Variants in CEMIP2 observed in about 807,000 individuals in gnomAD.
CEMIP2 encodes cell migration inducing hyaluronidase 2, also known as cell surface hyaluronidase CEMIP2.
A neutral mutation model predicts 146.9 loss-of-function variants in CEMIP2; 79 were observed. That is an observed-to-expected ratio of 0.54 (90% confidence interval 0.45 to 0.65). The LOEUF (loss-of-function observed/expected upper bound fraction) is 0.65, where lower values mean the gene tolerates loss of function less well. Ranked by LOEUF, CEMIP2 falls within the 30% of genes least tolerant of loss-of-function variation. The pLI, the probability that CEMIP2 is intolerant of heterozygous loss-of-function variation, is 0.00. For synonymous variants in CEMIP2, 601 were observed against 606.3 expected (o/e 0.99, Z 0.13); for missense variants, 1,596 against 1,696.2 (o/e 0.94, Z 1.04).
chr9:71,767,235 G>A (rs1236614918), intron 1 of CEMIP2, among the ~76,000 whole-genome samples: 1 of 152,154 alleles, frequency 6.6e-6, no homozygotes, highest in Non-Finnish European at 1.5e-5. Context: ...AGATTTGCCT[G>A]GCTGCTCTGG....
intron 21 of CEMIP2, among the ~76,000 whole-genome samples, chr9:71,690,594 A>G (rs925551053): frequency 6.6e-6 from 1 of 152,232 alleles, no homozygotes; most frequent in Non-Finnish European, 1.5e-5. Context: ...TTATAAGTCA[A>G]TGATAGATGG....
At chr9:71,712,555 TG>T (rs530919166) in intron 15 of CEMIP2, 4 of 230,282 alleles carry the variant, frequency 1.7e-5, no homozygotes, top group African/African-American at 9.0e-5. Context: ...GAGGCCTCTC[TG>T]AAGAGGTGAC....
chr9:71,765,561 T>C (rs867314946), intron 1 of CEMIP2, among the ~76,000 whole-genome samples: 2 of 152,238 alleles, frequency 1.3e-5, no homozygotes, highest in Admixed American at 6.5e-5. Context: ...ATAGTACTTC[T>C]GACACTAGTT....
rs72737977 is a variant in CEMIP2, at chr9:71,731,786, C to A, written c.1563+565G>T. Among the ~76,000 whole-genome samples the A allele has an allele frequency of 4.6e-3, 690 of 151,568 alleles. 43 individuals carry two copies. In the South Asian group the frequency reaches 0.12, roughly 27 times the overall value. The stretch of plus-strand genomic sequence containing the variant: ...AAATACTACTTACAACCACAGCCTA[C>A]TCAATGCACAAAAAGTGATTTAAAA... On this transcript the variant is annotated intron_variant, in intron 7 of 23. Transcript: ENST00000377044.
intron 21 of CEMIP2, among the ~76,000 whole-genome samples, chr9:71,691,166 G>C (rs200895309): frequency 6.6e-6 from 1 of 152,138 alleles, no homozygotes; most frequent in Non-Finnish European, 1.5e-5. Flanking sequence ...GGTGGCTTAC[G>C]CCTGTAATCC....
intron 10 of CEMIP2, among the ~76,000 whole-genome samples, chr9:71,727,871 G>T (rs989951881): frequency 2.0e-5 from 3 of 152,216 alleles, no homozygotes; most frequent in Admixed American, 6.5e-5. Context: ...GACCAGCCTG[G>T]CCAATATGGT....
At chr9:71,741,254 T>A (rs1420309243) in intron 4 of CEMIP2, among the ~76,000 whole-genome samples, 1 of 128,766 alleles carries the variant, frequency 7.8e-6, no homozygotes, top group Non-Finnish European at 1.6e-5. Flanking sequence ...TGGAGTACAA[T>A]GGCGCAATCT....
intron 3 of CEMIP2, among the ~76,000 whole-genome samples, chr9:71,745,782 C>A (rs979725150): frequency 2.3e-4 from 35 of 152,134 alleles, no homozygotes; most frequent in African/African-American, 7.7e-4. Context: ...GAATTTCAAC[C>A]TACTCACTTT....
At chr9:71,705,867 T>C (rs1393726880) in intron 17 of CEMIP2, among the ~76,000 whole-genome samples, 1 of 152,038 alleles carries the variant, frequency 6.6e-6, no homozygotes, top group African/African-American at 2.4e-5. Context: ...TCCCCTGCCT[T>C]AGTAACCTTA....
chr9:71,749,845 C>G (rs187224133), intron 2 of CEMIP2, among the ~76,000 whole-genome samples, 198 bp downstream of exon 2: 30 of 152,268 alleles, frequency 2.0e-4, no homozygotes, highest in Admixed American at 5.9e-4. Flanking sequence ...GCACAATGGA[C>G]AGGAAGAGCA....
intron 18 of CEMIP2, among the ~76,000 whole-genome samples, chr9:71,702,100 G>A (rs2131883571): frequency 6.6e-6 from 1 of 151,822 alleles, no homozygotes; most frequent in Admixed American, 6.6e-5. Context: ...TGTATAAAAA[G>A]TACAAAAATT....
chr9:71,684,838 C>A lies in CEMIP2; in HGVS notation c.*359G>T. On this transcript the variant is annotated 3_prime_UTR_variant, in exon 24 of 24. Coordinates refer to ENST00000377044, the MANE Select transcript of CEMIP2 (RefSeq NM_013390.3). Reference sequence around the variant, plus strand: ...TATCCAAGGTGCTACAATAGCTGGTCCTCTAAAGACCTCAGGCTGACTCTC... The same window carrying A: ...TATCCAAGGTGCTACAATAGCTGGTACTCTAAAGACCTCAGGCTGACTCTC... The A allele has an allele frequency of 5.4e-6, 1 of 184,468 alleles. No homozygotes were observed. The highest frequency in any genetic ancestry group is 1.1e-5 in the Non-Finnish European group (1 of 89,696). 11.4% of individuals were successfully genotyped at this position (184,468 alleles called of 1,614,324 possible). A position where few individuals can be genotyped will look rare whatever the true frequency, so the allele number is the denominator to read the frequency against.
chr9:71,710,372 A>T (rs989667838), intron 16 of CEMIP2, among the ~76,000 whole-genome samples: 1 of 152,224 alleles, frequency 6.6e-6, no homozygotes, highest in African/African-American at 2.4e-5. Context: ...CATCTAAATG[A>T]TAAGCAACTC....
At chr9:71,689,722 C>T (rs1414927088) in intron 22 of CEMIP2, among the ~76,000 whole-genome samples, 1 of 152,044 alleles carries the variant, frequency 6.6e-6, no homozygotes, top group African/African-American at 2.4e-5. Context: ...GAGTTGTGGA[C>T]AAAGTATATC....
intron 1 of CEMIP2, among the ~76,000 whole-genome samples, chr9:71,759,433 TTTGA>T (rs1326509963): frequency 6.6e-6 from 1 of 152,150 alleles, no homozygotes; most frequent in African/African-American, 2.4e-5. Flanking sequence ...CATGAGGCAG[TTTGA>T]TTCACAGGAG....
chr9:71,709,953 A>G (rs1822859727), intron 16 of CEMIP2, among the ~76,000 whole-genome samples: 1 of 152,226 alleles, frequency 6.6e-6, no homozygotes, highest in African/African-American at 2.4e-5. Flanking sequence ...CTAGTTAATC[A>G]TTTTATCTCC....
At chr9:71,767,833 A>G (rs1046352391) in intron 1 of CEMIP2, among the ~76,000 whole-genome samples, 2 of 152,082 alleles carry the variant, frequency 1.3e-5, no homozygotes, top group African/African-American at 4.8e-5. Flanking sequence ...AGGGCGGAGG[A>G]CCCACCAACC....
At chr9:71,759,763 G>A (rs1049719648) in intron 1 of CEMIP2, among the ~76,000 whole-genome samples, 11 of 143,882 alleles carry the variant, frequency 7.6e-5, no homozygotes, top group Non-Finnish European at 1.4e-4. Flanking sequence ...TTCCTGCAAC[G>A]GATAATGAAA....
chr9:71,713,835 A>C (rs932439284), intron 15 of CEMIP2, among the ~76,000 whole-genome samples: 2 of 152,196 alleles, frequency 1.3e-5, no homozygotes, highest in Admixed American at 1.3e-4. Flanking sequence ...TATCTCATTG[A>C]GCTTTGTGAG....
Sources: allele counts gnomAD v4.1 joint callset (sites outside exome capture counted in the v4.1 genomes callset), GRCh38; gene constraint gnomAD v4.1.1; transcripts MANE v1.5; gene names NCBI Gene and HGNC (gene_info 2026-07-23, HGNC 2026-07-21).